The following MICAL2 variants were observed in gnomAD, a reference collection of about 807,000 sequenced individuals.
MICAL2 encodes microtubule associated monooxygenase, calponin and LIM domain containing 2, also known as [F-actin]-monooxygenase MICAL2.
In MICAL2, 77 loss-of-function variants were observed where a neutral mutation model predicts 127.3. The observed-to-expected ratio is 0.60, with a 90% CI of 0.50 to 0.73. The LOEUF (loss-of-function observed/expected upper bound fraction) is 0.73, where lower values mean the gene tolerates loss of function less well. Among genes scored for constraint, MICAL2 ranks in the 30% least tolerant of loss-of-function variants. The pLI, the probability that MICAL2 is intolerant of heterozygous loss-of-function variation, is 0.00. For missense variants in MICAL2, 1,351 were observed against 1,434.4 expected (o/e 0.94, Z 0.94); for synonymous variants, 570 against 551.1 (o/e 1.03, Z -0.48).
chr11:12,279,778 C>A (rs967261105), intron 1 of MICAL2, among the ~76,000 whole-genome samples: 2 of 152,168 alleles, frequency 1.3e-5, no homozygotes, highest in Non-Finnish European at 2.9e-5. Flanking sequence ...AAATTCATGT[C>A]CTCAGGTCAG....
At chr11:12,307,449 A>AT (rs1173235556) in intron 29 of MICAL2, among the ~76,000 whole-genome samples, 1 of 152,104 alleles carries the variant, frequency 6.6e-6, no homozygotes, top group African/African-American at 2.4e-5. Flanking sequence ...AAATTTATTG[A>AT]TTTTTTCTTT....
At chr11:12,358,212 A>G in intron 34 of MICAL2, 4 of 1,365,020 alleles carry the variant, frequency 2.9e-6, no homozygotes, top group East Asian at 2.3e-5. Context: ...GAACAAGTCC[A>G]TAACAATCGA....
At chr11:12,213,768 G>A (rs10831766) in intron 7 of MICAL2, among the ~76,000 whole-genome samples, 88,397 of 151,482 alleles carry the variant, frequency 0.58, 27,526 homozygotes, top group Non-Finnish European at 0.7. Context: ...AAGGCAGGTG[G>A]CCAGCACCGC....
chr11:12,340,506 C>T (rs927288842), intron 32 of MICAL2, among the ~76,000 whole-genome samples: 9 of 152,154 alleles, frequency 5.9e-5, no homozygotes, highest in South Asian at 2.1e-4. Flanking sequence ...TATGTGCATA[C>T]GCTACAATTT....
intron 29 of MICAL2, among the ~76,000 whole-genome samples, chr11:12,310,550 C>T (rs1864162047): frequency 6.6e-6 from 1 of 152,066 alleles, no homozygotes; most frequent in African/African-American, 2.4e-5. Flanking sequence ...GTTTTTATGC[C>T]AGTATCATGC....
rs138293132 is a variant in MICAL2, at chr11:12,330,533, C to T, written c.5515+3267C>T. Among the ~76,000 whole-genome samples the T allele has an allele frequency of 2.8e-3, 428 of 152,080 alleles. 2 individuals carry two copies. Among genetic ancestry groups the T allele is most frequent in the Middle Eastern group, 0.014 (4 of 294 alleles). Reference sequence around the variant, plus strand: ...TTTGTTCTGGGAGTTATTCATTAGGCGGGCATTGAATTAGAGGAACATGCG... The same window carrying T: ...TTTGTTCTGGGAGTTATTCATTAGGTGGGCATTGAATTAGAGGAACATGCG... On this transcript the variant is annotated intron_variant, in intron 32 of 34. Transcript: ENST00000646065.
At position 12,110,990 on chromosome 11, in the gene MICAL2, CT is replaced by C. The variant is rs1849559979; in HGVS notation, c.-149+265del. The stretch of plus-strand genomic sequence containing the variant: ...CACCGGCACGCCGAACTACCTCTTA[CT>C]CCGCTCCGCAACACCCAAACCCTGC... On this transcript the variant is annotated intron_variant, in intron 1 of 27. Transcript: ENST00000683283. This position sits in a 1 kb window ranked among gnomAD's most constrained non-coding sequence, Gnocchi z 4.5. Among the ~76,000 whole-genome samples the C allele has an allele frequency of 6.6e-6, 1 of 152,194 alleles. No homozygotes were observed. Among genetic ancestry groups the C allele is most frequent in the African/African-American group, 2.4e-5 (1 of 41,458 alleles).
chr11:12,247,148 T>G (rs1247765335), intron 21 of MICAL2, among the ~76,000 whole-genome samples: 1 of 152,130 alleles, frequency 6.6e-6, no homozygotes, highest in Non-Finnish European at 1.5e-5. Flanking sequence ...TGCTCTCCTG[T>G]GTCCTGCAGA....
intron 32 of MICAL2, among the ~76,000 whole-genome samples, chr11:12,333,969 T>C (rs1232500343): frequency 6.6e-6 from 1 of 152,100 alleles, no homozygotes; most frequent in Admixed American, 6.6e-5. Flanking sequence ...TTGGTTTCCA[T>C]AGAGGAAAAA....
intron 3 of MICAL2, among the ~76,000 whole-genome samples, chr11:12,194,021 A>T (rs754773906): frequency 1.3e-5 from 2 of 152,238 alleles, no homozygotes; most frequent in Non-Finnish European, 2.9e-5. Context: ...ATATACTTCA[A>T]GCAGGTCTGG....
intron 2 of MICAL2, among the ~76,000 whole-genome samples, chr11:12,160,560 A>G (rs1854665649): frequency 6.6e-6 from 1 of 151,840 alleles, no homozygotes; most frequent in South Asian, 2.1e-4. Flanking sequence ...CTCTTTCCAC[A>G]CTCACATCCC....
chr11:12,273,702 G>A (rs148137676), upstream of MICAL2, among the ~76,000 whole-genome samples: 2 of 152,280 alleles, frequency 1.3e-5, no homozygotes, highest in Non-Finnish European at 2.9e-5. Context: ...GAGGGCTCAG[G>A]TGGATGCATG....
chr11:12,147,061 G>C (rs1852999188), intron 2 of MICAL2, among the ~76,000 whole-genome samples: 2 of 151,984 alleles, frequency 1.3e-5, no homozygotes. Flanking sequence ...GGCCTGTTAT[G>C]GGGTGGGGGG....
At chr11:12,260,931 T>G in intron 26 of MICAL2, 2 of 985,500 alleles carry the variant, frequency 2.0e-6, no homozygotes, top group Non-Finnish European at 2.4e-6. Flanking sequence ...TAATGGGCAC[T>G]GCAGGGAAAG....
chr11:12,329,309 G>A (rs1028560057), intron 32 of MICAL2, among the ~76,000 whole-genome samples: 2 of 152,210 alleles, frequency 1.3e-5, no homozygotes, highest in Non-Finnish European at 2.9e-5. Context: ...TTGGTAGAAT[G>A]AACTGCCCTT....
chr11:12,290,848 G>GAA, downstream of MICAL2, among the ~76,000 whole-genome samples: 1 of 152,314 alleles, frequency 6.6e-6, no homozygotes, highest in South Asian at 2.1e-4. Context: ...AGAATATCGA[G>GAA]AACGGTGTGG....
intron 2 of MICAL2, among the ~76,000 whole-genome samples, chr11:12,157,827 A>T (rs189672707): frequency 6.6e-6 from 1 of 152,340 alleles, no homozygotes; most frequent in East Asian, 1.9e-4. Context: ...GTGCTAGGTC[A>T]GCCCTTCCCA....
chr11:12,217,593 G>A (rs1302837211), intron 8 of MICAL2, among the ~76,000 whole-genome samples: 4 of 152,122 alleles, frequency 2.6e-5, no homozygotes, highest in South Asian at 2.1e-4. Context: ...TAGGGGTAGC[G>A]GGCAGCTTTG....
chr11:12,180,335 G>GTATA lies in MICAL2; in HGVS notation c.264+17920_264+17923dup, dbSNP rs1554968135. On this transcript the variant is annotated intron_variant, in intron 3 of 27. Transcript: ENST00000683283. ...AGACTCTTGCAGTGTTTATATACAT[G>GTATA]TATATATGTATATATTTTTTTTTTG... Among the ~76,000 whole-genome samples the GTATA allele has an allele frequency of 4.1e-3, 517 of 126,384 alleles. 6 individuals are homozygous for GTATA. The highest frequency in any genetic ancestry group is 0.015 in the African/African-American group (448 of 29,290). The allele number at this position is 126,384 out of a possible 152,430, so 82.9% of individuals were successfully genotyped here. A position where few individuals can be genotyped will look rare whatever the true frequency, so the allele number is the denominator to read the frequency against.
Sources: gnomAD v4.1 joint callset for allele counts (sites outside exome capture counted in the v4.1 genomes callset) on GRCh38, gnomAD v4.1.1 for gene constraint, Gnocchi (gnomAD v3.1) non-coding constraint, MANE v1.5 for transcripts, NCBI Gene and HGNC (gene_info 2026-07-23, HGNC 2026-07-21) for gene names.